GRM8: variants seen among roughly 807,000 people sequenced by gnomAD.
GRM8 encodes the protein glutamate metabotropic receptor 8.
In GRM8, 47 loss-of-function variants were observed where a neutral mutation model predicts 87.2. That is an observed-to-expected ratio of 0.54 (90% CI 0.43 to 0.69). GRM8 has a LOEUF of 0.69. Ranked by LOEUF, GRM8 falls within the 30% of genes least tolerant of loss-of-function variation. The probability of loss-of-function intolerance (pLI) is 0.00; values close to 1 mark genes in which losing one functional copy is unlikely to be tolerated. For synonymous variants in GRM8, 396 were observed against 404.5 expected, an observed-to-expected ratio of 0.98 and a Z score of 0.25; for missense variants, 1,019 against 1,139.2, an observed-to-expected ratio of 0.89 and a Z score of 1.52.
At chr7:126,865,258 TATC>T (rs1434572745) in intron 6 of GRM8, among the ~76,000 whole-genome samples, 7 of 152,342 alleles carry the variant, frequency 4.6e-5, no homozygotes, top group Non-Finnish European at 8.8e-5. Context: ...GAATTTTTAA[TATC>T]ATGCTTTTTC....
intron 6 of GRM8, among the ~76,000 whole-genome samples, chr7:126,835,966 G>A (rs567454927): frequency 6.6e-6 from 1 of 152,158 alleles, no homozygotes; most frequent in South Asian, 2.1e-4. Context: ...GAGAATGGAA[G>A]TAAGAGAAAA....
chr7:126,953,736 A>G (rs1163148383), intron 3 of GRM8, among the ~76,000 whole-genome samples: 1 of 152,138 alleles, frequency 6.6e-6, no homozygotes. Flanking sequence ...TACAACAGCA[A>G]AGGGAATGAA....
At chr7:126,730,811 CAGGT>C (rs1416827676) in intron 7 of GRM8, among the ~76,000 whole-genome samples, 2 of 152,010 alleles carry the variant, frequency 1.3e-5, no homozygotes, top group Non-Finnish European at 2.9e-5. Context: ...ATTAGGGAAA[CAGGT>C]AGTTTAGATA....
At chr7:126,720,317 AT>A (rs565424874) in intron 7 of GRM8, among the ~76,000 whole-genome samples, 1 of 150,972 alleles carries the variant, frequency 6.6e-6, no homozygotes, top group African/African-American at 2.4e-5. Context: ...AATTTTTTAA[AT>A]TTTTTTTTGT....
intron 7 of GRM8, among the ~76,000 whole-genome samples, chr7:126,644,506 T>C (rs1802820745): frequency 6.6e-6 from 1 of 152,234 alleles, no homozygotes; most frequent in Non-Finnish European, 1.5e-5. Flanking sequence ...TTCCTCCTAT[T>C]GAAAATTAGT....
At chr7:126,997,421 GA>G (rs1390760133) in intron 3 of GRM8, among the ~76,000 whole-genome samples, 2 of 146,626 alleles carry the variant, frequency 1.4e-5, no homozygotes, top group Non-Finnish European at 3.0e-5. Flanking sequence ...ATTATTAGAA[GA>G]AAAAAATAAA....
intron 7 of GRM8, among the ~76,000 whole-genome samples, chr7:126,703,033 T>C (rs1039614271): frequency 6.6e-6 from 1 of 152,058 alleles, no homozygotes; most frequent in African/African-American, 2.4e-5. Flanking sequence ...ATGCGGAAAA[T>C]GAGACACTGT....
chr7:126,962,604 T>C (rs551832426), intron 3 of GRM8, among the ~76,000 whole-genome samples: 4 of 152,322 alleles, frequency 2.6e-5, no homozygotes, highest in Non-Finnish European at 2.9e-5. Context: ...TGCACCTTAA[T>C]TGATTTATAG....
intron 2 of GRM8, among the ~76,000 whole-genome samples, chr7:127,117,107 T>C (rs975746146): frequency 2.6e-5 from 4 of 152,202 alleles, no homozygotes; most frequent in African/African-American, 9.6e-5. Flanking sequence ...TTATATTACT[T>C]ATAAGCTCTA....
At chr7:126,689,040 T>C (rs1475030655) in intron 7 of GRM8, among the ~76,000 whole-genome samples, 2 of 152,208 alleles carry the variant, frequency 1.3e-5, no homozygotes, top group African/African-American at 2.4e-5. Context: ...ATTATACCTG[T>C]TATACAAATA....
chr7:126,691,823 C>A (rs1016626949), intron 7 of GRM8, among the ~76,000 whole-genome samples: 11 of 152,162 alleles, frequency 7.2e-5, no homozygotes, highest in Non-Finnish European at 1.0e-4. Flanking sequence ...AGACACCAAC[C>A]CCTAAAATAC....
intron 9 of GRM8, among the ~76,000 whole-genome samples, chr7:126,487,395 G>A (rs929222036): frequency 6.6e-5 from 10 of 151,878 alleles, no homozygotes; most frequent in African/African-American, 9.7e-5. Context: ...CTCCCAAGTA[G>A]CAGGGACTAC....
chr7:126,926,664 C>T (rs1397452729), intron 3 of GRM8, among the ~76,000 whole-genome samples: 1 of 152,192 alleles, frequency 6.6e-6, no homozygotes, highest in African/African-American at 2.4e-5. Context: ...ACACAAGGCT[C>T]TTCATAATTT....
chr7:126,788,409 C>CA (rs67131936), intron 6 of GRM8, among the ~76,000 whole-genome samples: 4 of 10,792 alleles, frequency 3.7e-4, no homozygotes, highest in Non-Finnish European at 5.9e-4. Flanking sequence ...GACTCCATCT[C>CA]AAAAAAAAAA....
chr7:126,726,475 G>A, intron 7 of GRM8, among the ~76,000 whole-genome samples: 1 of 152,044 alleles, frequency 6.6e-6, no homozygotes, highest in South Asian at 2.1e-4. Flanking sequence ...CCACTGCTTT[G>A]GGATAAAAAG....
At chr7:127,205,612 C>T (rs2237800) in intron 2 of GRM8, among the ~76,000 whole-genome samples, 8 of 152,262 alleles carry the variant, frequency 5.3e-5, no homozygotes, top group East Asian at 3.9e-4. Flanking sequence ...CACTCTCTAC[C>T]GCTCTGCAGA....
intron 7 of GRM8, among the ~76,000 whole-genome samples, chr7:126,620,581 A>G (rs772326837): frequency 1.4e-4 from 22 of 151,980 alleles, no homozygotes; most frequent in Non-Finnish European, 2.8e-4. Context: ...TGCAGGGACT[A>G]GAGTCTGCTT....
chr7:127,031,003 G>A (rs1817307204), intron 3 of GRM8, among the ~76,000 whole-genome samples: 1 of 152,088 alleles, frequency 6.6e-6, no homozygotes, highest in South Asian at 2.1e-4. Context: ...CTAAGAGCTG[G>A]ACAATCCTCT....
intron 6 of GRM8, among the ~76,000 whole-genome samples, chr7:126,815,602 G>A (rs2151749682): frequency 6.6e-6 from 1 of 152,074 alleles, no homozygotes; most frequent in East Asian, 1.9e-4. Context: ...TAATAAAACA[G>A]GCAAGGTAGT....
Sources: allele counts gnomAD v4.1 joint callset (sites outside exome capture counted in the v4.1 genomes callset), GRCh38; gene constraint gnomAD v4.1.1; transcripts MANE v1.5; gene names NCBI Gene and HGNC (gene_info 2026-07-23, HGNC 2026-07-21).